The following MAP3K4 variants were observed in gnomAD, a reference collection of about 807,000 sequenced individuals.
MAP3K4 encodes MAP three kinase 1.
A neutral mutation model predicts 185.6 loss-of-function variants in MAP3K4; 67 were observed. The ratio of observed to expected loss-of-function variants is 0.36; its 90% CI spans 0.30 to 0.44. The LOEUF is 0.44. MAP3K4 is among the 20% of genes least tolerant of loss of function. The pLI, the probability that MAP3K4 is intolerant of heterozygous loss-of-function variation, is 1.00. For synonymous variants in MAP3K4, 702 were observed against 710.4 expected (o/e 0.99, Z 0.19); for missense variants, 1,551 against 1,995.1 (o/e 0.78, Z 4.24).
intron 18 of MAP3K4, among the ~76,000 whole-genome samples, 170 bp from the exon 19 acceptor site, chr6:161,102,529 T>G (rs1470031905): frequency 6.6e-6 from 1 of 152,152 alleles, no homozygotes; most frequent in African/African-American, 2.4e-5. Context: ...TGGTGCAATT[T>G]TTAGAATTGA....
At chr6:161,062,515 C>G (rs1356598541) in intron 3 of MAP3K4, among the ~76,000 whole-genome samples, 2 of 152,110 alleles carry the variant, frequency 1.3e-5, no homozygotes, top group African/African-American at 4.8e-5. Flanking sequence ...TTGAGTGACA[C>G]CTGTTCTTTA....
At chr6:161,002,546 G>A (rs1372781162) in intron 1 of MAP3K4, among the ~76,000 whole-genome samples, 1 of 145,072 alleles carries the variant, frequency 6.9e-6, no homozygotes, top group East Asian at 2.1e-4. Context: ...ATATAAAGAA[G>A]AAAATGACCA....
intron 1 of MAP3K4, among the ~76,000 whole-genome samples, chr6:161,019,171 C>T (rs1782257619): frequency 6.6e-6 from 1 of 152,132 alleles, no homozygotes; most frequent in African/African-American, 2.4e-5. Flanking sequence ...TGCTGTCAAC[C>T]ATAGATTCAA....
intron 1 of MAP3K4, among the ~76,000 whole-genome samples, chr6:161,026,771 G>C (rs1020143875): frequency 7.3e-6 from 1 of 136,312 alleles, no homozygotes; most frequent in Non-Finnish European, 1.5e-5. Context: ...GTTCTCATTG[G>C]AAAGTCTGGT....
In MAP3K4 at chr6:161,109,014, C is replaced by G; in HGVS notation, c.4236+155C>G. ...GAGTTACATCATTTCTGCCTTCTCT[C>G]TGAAACTAGAGGAGTTCCTCCTAAA... On this transcript the variant is annotated intron_variant, in intron 22 of 26. Transcript: ENST00000392142. This position sits in a 1 kb window ranked among gnomAD's most constrained non-coding sequence, Gnocchi z 5.7. 2.5e-6 allele frequency: 4 copies of G among 1,578,652 alleles called. No homozygotes were observed. The highest frequency in any genetic ancestry group is 3.4e-6 in the Non-Finnish European group (4 of 1,166,238).
At chr6:161,090,074 T>G (rs1006041275) in intron 11 of MAP3K4, among the ~76,000 whole-genome samples, 26 of 152,236 alleles carry the variant, frequency 1.7e-4, no homozygotes, top group African/African-American at 6.0e-4. Flanking sequence ...TCACTCACAT[T>G]AAGGCTTAAC....
chr6:161,109,925 A>G lies in MAP3K4; in HGVS notation c.4396+11A>G, dbSNP rs776535844. ...ACCGTGACATTAAAGGTAATCCCAC[A>G]CCCGCCTGGCTGCTGTGGGCCAGAG... On this transcript the variant is annotated intron_variant, in intron 23 of 26. Coordinates refer to ENST00000392142, the MANE Select transcript of MAP3K4 (RefSeq NM_005922.4). The surrounding 1 kb of genome is among the most constrained non-coding windows in gnomAD (Gnocchi z 5.7). The G allele has an allele frequency of 6.2e-7, 1 of 1,611,540 alleles. No individual in the cohort carries two copies. The highest frequency in any genetic ancestry group is 2.2e-5 in the East Asian group (1 of 44,836).
chr6:161,021,659 G>C (rs1293728005), intron 1 of MAP3K4, among the ~76,000 whole-genome samples: 1 of 152,136 alleles, frequency 6.6e-6, no homozygotes, highest in African/African-American at 2.4e-5. Context: ...AAGTATACTT[G>C]AAATACACTT....
chr6:161,004,488 G>A (rs1781482607), intron 1 of MAP3K4, among the ~76,000 whole-genome samples: 1 of 152,122 alleles, frequency 6.6e-6, no homozygotes, highest in South Asian at 2.1e-4. Context: ...TTATTTTCTA[G>A]CACTTCTTTT....
chr6:161,029,863 T>C (rs1359523080), intron 1 of MAP3K4, among the ~76,000 whole-genome samples: 1 of 152,210 alleles, frequency 6.6e-6, no homozygotes, highest in African/African-American at 2.4e-5. Context: ...GTTTGTTTGT[T>C]TTAAAGAAAA....
Position 161,108,769 on chromosome 6 carries a change from G to C in MAP3K4, c.4146G>C (p.Lys1382Asn). 1 of 1,613,508 alleles carries C rather than the reference G, an allele frequency of 6.2e-7. No homozygotes were observed. Among genetic ancestry groups the C allele is most frequent in the South Asian group, 1.1e-5 (1 of 91,074 alleles). The change falls in exon 22 of 27, where the codon AAG (lysine) becomes AAC (asparagine). Residue 1382 changes from lysine to asparagine, a missense_variant. Physicochemically the swap from Lys to Asn is moderately conservative, Grantham distance 94 (BLOSUM62 0). Around this residue, in one of 16 missense-constraint regions of MAP3K4, gnomAD observed 159 missense variants for 300.5 expected, o/e 0.53. Transcript: ENST00000392142. This position sits in a 1 kb window ranked among gnomAD's most constrained non-coding sequence, Gnocchi z 5.7. ...TTCGATTTCAACCTAATGACCATAA[G>C]ACTATCAAGGAAACTGCAGACGAAT... is the stretch of plus-strand genomic sequence containing the variant. ...KEIRFQPNDH[K>N]TIKETADELK...
chr6:161,084,884 C>A lies in MAP3K4; in HGVS notation c.2372+267C>A, dbSNP rs933842546. On this transcript the variant is annotated intron_variant, in intron 7 of 26. Coordinates refer to ENST00000392142, the MANE Select transcript of MAP3K4 (RefSeq NM_005922.4). This position sits in a 1 kb window ranked among gnomAD's most constrained non-coding sequence, Gnocchi z 4.6. The stretch of plus-strand genomic sequence containing the variant: ...CCAACTGGCTGGGCGCGGTGGCTCA[C>A]GCCTGTAATCCCAGTACTTTGGGAG... 3.3e-5 allele frequency among the ~76,000 whole-genome samples: 5 copies of A among 152,302 alleles called. No homozygotes were observed. In the East Asian group the frequency reaches 9.6e-4, roughly 29 times the overall value.
At position 161,049,062 on chromosome 6, in the gene MAP3K4, A is replaced by G. The variant is rs1255839286; in HGVS notation, c.790A>G (p.Ile264Val). 2 of 1,614,094 alleles carry G rather than the reference A, an allele frequency of 1.2e-6. No homozygotes were observed. The highest frequency in any genetic ancestry group is 8.5e-7 in the Non-Finnish European group (1 of 1,179,946). Residue 264 changes from isoleucine to valine, a missense_variant, in exon 3 of 27, where the codon ATC (isoleucine) becomes GTC (valine). Physicochemically the swap from Ile to Val is conservative, Grantham distance 29. Transcript: ENST00000392142. This position sits in a 1 kb window ranked among gnomAD's most constrained non-coding sequence, Gnocchi z 8.4. ...GFWLNRSNELIWLELQAWHAG... is the reference protein window; with the variant it reads ...GFWLNRSNELVWLELQAWHAG... ...CTGGCTTAACCGATCTAACGAACTG[A>G]TCTGGTTAGAGCTACAAGCCTGGCA...
At chr6:161,009,676 A>G (rs1781757725) in intron 1 of MAP3K4, among the ~76,000 whole-genome samples, 2 of 152,194 alleles carry the variant, frequency 1.3e-5, no homozygotes, top group Non-Finnish European at 2.9e-5. Flanking sequence ...CTTTTGGAAT[A>G]TGTGCATTTA....
At chr6:161,021,852 C>A (rs1782412621) in intron 1 of MAP3K4, among the ~76,000 whole-genome samples, 1 of 151,406 alleles carries the variant, frequency 6.6e-6, no homozygotes, top group African/African-American at 2.4e-5. Context: ...ATTTGACACA[C>A]AATGTGGTAT....
rs1041725512 is a variant in MAP3K4 at position 161,022,042 on chromosome 6, AGTT to A, written c.153-12210_153-12208del. ...TTTTCAATGAAAAAGAAAAAAGAAG[AGTT>A]GTTGTTAATTCAAAATTACCGTTCC... On this transcript the variant is annotated intron_variant, in intron 1 of 26. Coordinates refer to ENST00000392142, the MANE Select transcript of MAP3K4 (RefSeq NM_005922.4). This position sits in a 1 kb window ranked among gnomAD's most constrained non-coding sequence, Gnocchi z 4.2. Among the ~76,000 whole-genome samples the A allele has an allele frequency of 2.0e-5, 3 of 152,192 alleles. No individual in the cohort carries two copies. The highest frequency in any genetic ancestry group is 2.1e-4 in the South Asian group (1 of 4,828).
rs374058159 is a variant in MAP3K4, at chr6:161,087,647, T to C, written c.2557-41T>C. 34 of 1,603,458 alleles carry C rather than the reference T, an allele frequency of 2.1e-5. No homozygotes were observed. Among genetic ancestry groups the C allele is most frequent in the Non-Finnish European group, 2.9e-5 (34 of 1,174,370 alleles). The stretch of plus-strand genomic sequence containing the variant: ...TGTTTTAAATAACCTATTTCTCTAA[T>C]GTACAGTGTTCCTTAAGATTTTGGA... On this transcript the variant is annotated intron_variant, in intron 9 of 26. Transcript: ENST00000392142. This position sits in a 1 kb window ranked among gnomAD's most constrained non-coding sequence, Gnocchi z 4.9.
At chr6:161,016,538 T>C (rs1782121562) in intron 1 of MAP3K4, among the ~76,000 whole-genome samples, 2 of 152,222 alleles carry the variant, frequency 1.3e-5, no homozygotes, top group South Asian at 4.1e-4. Flanking sequence ...GAATTAAGGG[T>C]CCAACTTCAT....
rs1365013698 is a variant in MAP3K4, at chr6:161,054,553, A to T, written c.1707+4574A>T. On this transcript the variant is annotated intron_variant, in intron 3 of 26. Transcript: ENST00000392142. The surrounding 1 kb of genome is among the most constrained non-coding windows in gnomAD (Gnocchi z 4.2). Reference sequence around the variant, plus strand: ...AAAAATCTGTTTGCAGTTTGTTTTCATAATATGAATGCCATAAATGCCTTT... The same window carrying T: ...AAAAATCTGTTTGCAGTTTGTTTTCTTAATATGAATGCCATAAATGCCTTT... Among the ~76,000 whole-genome samples the T allele has an allele frequency of 6.6e-6, 1 of 152,244 alleles. No individual in the cohort carries two copies. Among genetic ancestry groups the T allele is most frequent in the Non-Finnish European group, 1.5e-5 (1 of 68,046 alleles).
Sources: allele counts gnomAD v4.1 joint callset (sites outside exome capture counted in the v4.1 genomes callset), GRCh38; gene constraint gnomAD v4.1.1; regional missense constraint gnomAD v4.1.1; non-coding constraint Gnocchi (gnomAD v3.1); transcripts MANE v1.5; gene names NCBI Gene and HGNC (gene_info 2026-07-23, HGNC 2026-07-21).